The following TRIM71 variants were observed in gnomAD, a reference collection of about 807,000 sequenced individuals.
The protein encoded by TRIM71 is tripartite motif containing 71, also known as E3 ubiquitin-protein ligase TRIM71.
In TRIM71, 9 loss-of-function variants were observed where a neutral mutation model predicts 61.2. That is an observed-to-expected ratio of 0.15 (90% CI 0.09 to 0.26). The LOEUF (loss-of-function observed/expected upper bound fraction) is 0.26. TRIM71 is among the 10% of genes least tolerant of loss of function. The probability of loss-of-function intolerance (pLI) is 1.00; values close to 1 mark genes in which losing one functional copy is unlikely to be tolerated. For synonymous variants in TRIM71, 645 were observed against 553.2 expected (o/e 1.17, Z -2.33); for missense variants, 998 against 1,238.7 (o/e 0.81, Z 2.92).
chr3:32,833,118 C>G (rs1187422300), intron 1 of TRIM71, among the ~76,000 whole-genome samples: 1 of 136,482 alleles, frequency 7.3e-6, no homozygotes. Context: ...GAGGTTGCAG[C>G]AAGCTGAGAT....
intron 1 of TRIM71, among the ~76,000 whole-genome samples, chr3:32,843,975 C>G (rs762796227): frequency 6.6e-6 from 1 of 151,984 alleles, no homozygotes; most frequent in Non-Finnish European, 1.5e-5. Flanking sequence ...GTTAGAGTCT[C>G]AAGATGTTTT....
chr3:32,833,638 AT>A (rs1208387886), intron 1 of TRIM71, among the ~76,000 whole-genome samples: 9 of 128,560 alleles, frequency 7.0e-5, no homozygotes, highest in African/African-American at 3.5e-4. Context: ...ATGCTTTTTT[AT>A]TTATTTATTT....
At position 32,885,957 on chromosome 3, in the gene TRIM71, G is replaced by A. The variant is rs372275786; in HGVS notation, c.1044G>A (p.Thr348=). 40 of 1,613,920 alleles carry A rather than the reference G, an allele frequency of 2.5e-5. No individual in the cohort carries two copies. The highest frequency in any genetic ancestry group is 1.6e-4 in the Middle Eastern group (1 of 6,078). ...AIQLSIEQAQ[T]VAEQVEMKAK... is the part of the protein sequence containing the mutation. The stretch of plus-strand genomic sequence containing the variant: ...AGCTGAGCATCGAGCAGGCCCAGAC[G>A]GTGGCGGAACAGGTGGAGATGAAGG... The change falls in exon 3 of 4, where the codon ACG becomes ACA. Residue 348 remains threonine (T), a synonymous_variant. Coordinates refer to ENST00000383763, the MANE Select transcript of TRIM71 (RefSeq NM_001039111.3).
intron 3 of TRIM71, 132 bp downstream of exon 3, chr3:32,886,200 G>A (rs911658829): frequency 2.7e-5 from 34 of 1,254,398 alleles, no homozygotes; most frequent in Non-Finnish European, 3.4e-5. Context: ...TTTCCAGAAA[G>A]CCTGTTAGCA....
At chr3:32,870,018 T>G (rs1436193201) in intron 1 of TRIM71, among the ~76,000 whole-genome samples, 1 of 152,226 alleles carries the variant, frequency 6.6e-6, no homozygotes, top group East Asian at 1.9e-4. Flanking sequence ...CATTTCTGGC[T>G]ATAGGACCCT....
At chr3:32,820,108 G>T (rs1696111352) in intron 1 of TRIM71, among the ~76,000 whole-genome samples, 1 of 152,244 alleles carries the variant, frequency 6.6e-6, no homozygotes, top group Non-Finnish European at 1.5e-5. Context: ...ACCGGTAAGA[G>T]AGGGTGTGGG....
intron 1 of TRIM71, among the ~76,000 whole-genome samples, chr3:32,861,566 A>G (rs1696668600): frequency 6.6e-6 from 1 of 152,112 alleles, no homozygotes; most frequent in Non-Finnish European, 1.5e-5. Flanking sequence ...GTCTCTACAA[A>G]AAAATAAAAA....
chr3:32,839,493 G>A (rs1178632026), intron 1 of TRIM71, among the ~76,000 whole-genome samples: 2 of 152,122 alleles, frequency 1.3e-5, no homozygotes, highest in African/African-American at 4.8e-5. Flanking sequence ...GCCTCCCAAA[G>A]TGCTGGGATT....
chr3:32,870,389 G>A (rs1696782070), intron 1 of TRIM71, among the ~76,000 whole-genome samples: 1 of 152,100 alleles, frequency 6.6e-6, no homozygotes, highest in Non-Finnish European at 1.5e-5. Context: ...CATCTCTGTT[G>A]CAGGCGGCCT....
intron 1 of TRIM71, among the ~76,000 whole-genome samples, chr3:32,843,906 A>G (rs919576612): frequency 4.3e-4 from 62 of 142,988 alleles, no homozygotes; most frequent in Admixed American, 7.3e-5. Context: ...GAGGAGCTCC[A>G]TAAATCCTGC....
intron 1 of TRIM71, among the ~76,000 whole-genome samples, chr3:32,857,840 G>C (rs1696622421): frequency 1.3e-5 from 2 of 152,078 alleles, no homozygotes; most frequent in African/African-American, 2.4e-5. Context: ...GTGTGGTAGT[G>C]GGTGCCTGTG....
intron 2 of TRIM71, among the ~76,000 whole-genome samples, chr3:32,874,321 TTATTACTAC>T (rs1480225657): frequency 1.4e-4 from 17 of 119,210 alleles, no homozygotes; most frequent in African/African-American, 5.4e-4. Context: ...TGCTTAATGC[TTATTACTAC>T]TACTACTACT....
In TRIM71 at chr3:32,890,797, T is replaced by C. The variant is rs777623723; in HGVS notation, c.1593T>C (p.Pro531=). 1 of 1,614,204 alleles carries C rather than the reference T, an allele frequency of 6.2e-7. No homozygotes were observed. The highest frequency in any genetic ancestry group is 2.2e-5 in the East Asian group (1 of 44,884). Residue 531 remains proline (P), a synonymous_variant, in exon 4 of 4, where the codon CCT becomes CCC. Coordinates refer to ENST00000383763, the MANE Select transcript of TRIM71 (RefSeq NM_001039111.3). The surrounding 1 kb of genome is among the most constrained non-coding windows in gnomAD (Gnocchi z 6.2). Reference sequence around the variant, plus strand: ...TGATGTCGGCTGTGGTCCTGGGCCCTGATGGCAACCTGTTTGGTGCAGAGG... The same window carrying C: ...TGATGTCGGCTGTGGTCCTGGGCCCCGATGGCAACCTGTTTGGTGCAGAGG... The part of the protein sequence containing the change: ...GDLMSAVVLG[P]DGNLFGAEVS...
intron 1 of TRIM71, among the ~76,000 whole-genome samples, chr3:32,861,942 C>T (rs1480912366): frequency 6.6e-6 from 1 of 152,226 alleles, no homozygotes; most frequent in African/African-American, 2.4e-5. Context: ...AGAGAATTCA[C>T]AGAGGCCACG....
chr3:32,818,612 C>A lies in TRIM71; in HGVS notation c.532C>A (p.Arg178Ser). 5.7e-6 allele frequency: 8 copies of A among 1,398,412 alleles called. No individual in the cohort carries two copies. Among genetic ancestry groups the A allele is most frequent in the Non-Finnish European group, 7.4e-6 (8 of 1,084,020 alleles). The allele number at this position is 1,398,412 out of a possible 1,614,324, so 86.6% of individuals were successfully genotyped here. ...PQAPQPPAPSRSAPGGPAASP... is the reference protein window; with the variant it reads ...PQAPQPPAPSSSAPGGPAASP... ...GGCGCCGCAGCCGCCCGCGCCTTCCCGCTCGGCACCCGGCGGCCCTGCCGC... is the reference window on the plus strand; with the variant it reads ...GGCGCCGCAGCCGCCCGCGCCTTCCAGCTCGGCACCCGGCGGCCCTGCCGC... Residue 178 changes from arginine (R) to serine (S), a missense_variant, in exon 1 of 4, where the codon CGC (arginine) becomes AGC (serine). Transcript: ENST00000383763.
intron 1 of TRIM71, among the ~76,000 whole-genome samples, chr3:32,864,504 CAAGT>C (rs1334982813): frequency 6.6e-6 from 1 of 152,194 alleles, no homozygotes; most frequent in African/African-American, 2.4e-5. Flanking sequence ...ATCTGGGAGT[CAAGT>C]AAGTCCAAAG....
chr3:32,828,287 G>GT (rs377240529), intron 1 of TRIM71, among the ~76,000 whole-genome samples: 63 of 152,180 alleles, frequency 4.1e-4, no homozygotes, highest in Middle Eastern at 3.4e-3. Flanking sequence ...GAAAGTTTAG[G>GT]TAACAGTTGG....
At position 32,892,537 on chromosome 3, in the gene TRIM71, A is replaced by G. The variant is rs1697038411; in HGVS notation, c.*726A>G. On this transcript the variant is annotated 3_prime_UTR_variant, in exon 4 of 4. Coordinates refer to ENST00000383763, the MANE Select transcript of TRIM71 (RefSeq NM_001039111.3). ...TAGCCAAGAAAAGCAGACCCTTCAT[A>G]TTTTAGGGTATATAATCTTTGTTTC... 1 of 152,030 alleles carries G rather than the reference A, an allele frequency of 6.6e-6. No individual in the cohort carries two copies. The highest frequency in any genetic ancestry group is 6.6e-5 in the Admixed American group (1 of 15,262). 9.4% of individuals were successfully genotyped at this position (152,030 alleles called of 1,614,324 possible).
intron 1 of TRIM71, among the ~76,000 whole-genome samples, chr3:32,864,398 G>A (rs1450487286): frequency 6.6e-6 from 1 of 152,218 alleles, no homozygotes; most frequent in South Asian, 2.1e-4. Context: ...AAATGTGTGA[G>A]AAACTGAAGG....
Sources: allele counts gnomAD v4.1 joint callset (sites outside exome capture counted in the v4.1 genomes callset), GRCh38; gene constraint gnomAD v4.1.1; non-coding constraint Gnocchi (gnomAD v3.1); transcripts MANE v1.5; gene names NCBI Gene and HGNC (gene_info 2026-07-23, HGNC 2026-07-21).